The following BCLAF1 variants were observed in gnomAD, a reference collection of about 807,000 sequenced individuals.
BCLAF1 encodes the protein BCL2 associated transcription factor 1.
BCLAF1 carries 10 observed loss-of-function variants against 99.5 expected under a neutral mutation model. The observed-to-expected ratio is 0.10, with a 90% CI of 0.06 to 0.17. The LOEUF (loss-of-function observed/expected upper bound fraction) is 0.17. Ranked by LOEUF, BCLAF1 falls within the 10% of genes least tolerant of loss-of-function variation. The probability of loss-of-function intolerance (pLI) is 1.00; values close to 1 mark genes in which losing one functional copy is unlikely to be tolerated. For missense variants in BCLAF1, 636 were observed against 1,105.8 expected, an observed-to-expected ratio of 0.58 and a Z score of 6.02; for synonymous variants, 255 against 370.9, an observed-to-expected ratio of 0.69 and a Z score of 3.59.
chr6:136,285,847 C>G (rs1457317790), intron 1 of BCLAF1, among the ~76,000 whole-genome samples: 1 of 152,140 alleles, frequency 6.6e-6, no homozygotes, highest in African/African-American at 2.4e-5. Context: ...CGCCTGTAAT[C>G]CCAGCACTTT....
intron 1 of BCLAF1, among the ~76,000 whole-genome samples, chr6:136,289,410 G>A (rs772433572): frequency 6.6e-6 from 1 of 152,190 alleles, no homozygotes; most frequent in African/African-American, 2.4e-5. Flanking sequence ...ATGGGGGAAG[G>A]GTGGAAGAGG....
intron 11 of BCLAF1, among the ~76,000 whole-genome samples, chr6:136,263,591 A>C (rs1003202199): frequency 3.3e-5 from 5 of 152,214 alleles, no homozygotes; most frequent in African/African-American, 1.2e-4. Context: ...AGCTAAGAAC[A>C]TGTTAACAAA....
At chr6:136,262,105 G>C (rs906720563) in intron 11 of BCLAF1, among the ~76,000 whole-genome samples, 2 of 152,082 alleles carry the variant, frequency 1.3e-5, no homozygotes, top group African/African-American at 2.4e-5. Flanking sequence ...AAGTACTGCA[G>C]TTATCACATC....
chr6:136,264,876 G>A (rs572764954), intron 11 of BCLAF1, among the ~76,000 whole-genome samples: 15 of 152,194 alleles, frequency 9.9e-5, no homozygotes, highest in Middle Eastern at 3.4e-3. Context: ...ACCCAGAAAA[G>A]CAACATGTAA....
intron 4 of BCLAF1, among the ~76,000 whole-genome samples, chr6:136,276,788 C>G (rs1318855810): frequency 6.6e-6 from 1 of 152,188 alleles, no homozygotes; most frequent in Non-Finnish European, 1.5e-5. Context: ...CAATTCTGCA[C>G]TAACACGAAC....
chr6:136,279,738 A>T (rs750468212), intron 3 of BCLAF1, 25 bp downstream of exon 3: 2 of 1,516,938 alleles, frequency 1.3e-6, no homozygotes, highest in Non-Finnish European at 1.8e-6. Flanking sequence ...TAATTATTTT[A>T]AAAATTTAAA....
chr6:136,261,424 A>C lies in BCLAF1; in HGVS notation c.2598T>G (p.Arg866=). 6.2e-7 allele frequency: 1 copy of C among 1,613,784 alleles called. No homozygotes were observed. Among genetic ancestry groups the C allele is most frequent in the South Asian group, 1.1e-5 (1 of 91,072 alleles). Residue 866 remains arginine, a synonymous_variant, in exon 12 of 13, where the codon CGT becomes CGG. Transcript: ENST00000531224. ...GCCCTCTGCCACGTTGAAAAGTACC[A>C]CGACCTCTTCCTCTTTTGGCCCAAT... ...VDYWAKRGRG[R]GTFQRGRGRF...
At chr6:136,274,653 C>T (rs951480756) in intron 6 of BCLAF1, among the ~76,000 whole-genome samples, 3 of 151,812 alleles carry the variant, frequency 2.0e-5, no homozygotes, top group Admixed American at 1.3e-4. Flanking sequence ...TTTTTAAAAG[C>T]GGGGAGGGGA....
Position 136,268,329 on chromosome 6 carries a change from T to C in BCLAF1, c.2230A>G (p.Arg744Gly), listed in dbSNP as rs772032407. Residue 744 changes from arginine to glycine, a missense_variant, in exon 10 of 13, where the codon AGA becomes GGA. By Grantham distance (125) the Arg-to-Gly change is moderately radical. Transcript: ENST00000531224. The stretch of plus-strand genomic sequence containing the variant: ...GAAGATCGAGAATGATCTTGCTCTC[T>C]TTTATGTTTACTGCAAAATAAAGAA... ...KSYKDDSKHK[R>G]EQDHSRSSSS... 2.0e-5 allele frequency: 32 copies of C among 1,598,954 alleles called. No individual in the cohort carries two copies. Among genetic ancestry groups the C allele is most frequent in the Non-Finnish European group, 2.7e-5 (32 of 1,175,134 alleles).
intron 2 of BCLAF1, among the ~76,000 whole-genome samples, chr6:136,281,086 T>C (rs1231185186): frequency 1.3e-5 from 2 of 152,150 alleles, no homozygotes; most frequent in Middle Eastern, 3.2e-3. Flanking sequence ...ACTTGGATAG[T>C]TCCTCATCAA....
chr6:136,268,584 A>G, intron 9 of BCLAF1: 1 of 385,918 alleles, frequency 2.6e-6, no homozygotes, highest in South Asian at 3.3e-5. Flanking sequence ...TGTAAAGGTC[A>G]AGAATAAGGT....
rs770261163 is a variant in BCLAF1, at chr6:136,276,212, T to C, written c.1313A>G (p.Tyr438Cys). ...HRNTEEEGLK[Y>C]KSKVSLKGNR... ...GCCTTTCAGTGAAACTTTGGACTTG[T>C]ACTTGAGTCCTTCCTCCTCAGTATT... is the stretch of plus-strand genomic sequence containing the variant. The change falls in exon 5 of 13, where the codon TAC (tyrosine) becomes TGC (cysteine). Residue 438 changes from tyrosine (Y) to cysteine (C), a missense_variant. Coordinates refer to ENST00000531224, the MANE Select transcript of BCLAF1 (RefSeq NM_014739.3). 1.2e-6 allele frequency: 2 copies of C among 1,607,644 alleles called. No homozygotes were observed. The highest frequency in any genetic ancestry group is 1.7e-6 in the Non-Finnish European group (2 of 1,177,904).
intron 6 of BCLAF1, among the ~76,000 whole-genome samples, chr6:136,275,312 T>C (rs1262977619): frequency 6.6e-6 from 1 of 152,128 alleles, no homozygotes; most frequent in African/African-American, 2.4e-5. Flanking sequence ...TAGCATATGG[T>C]TTCTCCAGCA....
chr6:136,280,797 C>T (rs1229269685), intron 2 of BCLAF1, among the ~76,000 whole-genome samples: 1 of 151,352 alleles, frequency 6.6e-6, no homozygotes, highest in East Asian at 2.0e-4. Context: ...ACATTTTCAA[C>T]TTTTCAATGA....
At chr6:136,261,235 C>G (rs1002042606) in intron 12 of BCLAF1, 30 bp downstream of exon 12, 1 of 1,601,482 alleles carries the variant, frequency 6.2e-7, no homozygotes, top group African/African-American at 1.4e-5. Context: ...CAAAAAAAAT[C>G]TGTCAGAATC....
At chr6:136,282,171 T>G (rs1332929810) in intron 2 of BCLAF1, among the ~76,000 whole-genome samples, 4 of 152,226 alleles carry the variant, frequency 2.6e-5, no homozygotes, top group African/African-American at 9.6e-5. Context: ...AGACTTGTAG[T>G]GGACTTAATG....
chr6:136,266,034 C>T (rs1261766657), intron 11 of BCLAF1, among the ~76,000 whole-genome samples: 1 of 152,010 alleles, frequency 6.6e-6, no homozygotes, highest in East Asian at 1.9e-4. Context: ...ATGCATAACG[C>T]ACTCTGTAAC....
intron 11 of BCLAF1, among the ~76,000 whole-genome samples, chr6:136,265,717 T>C (rs1385941496): frequency 6.6e-6 from 1 of 152,156 alleles, no homozygotes; most frequent in African/African-American, 2.4e-5. Context: ...CAAGTTCCTC[T>C]ACAAAAGTCT....
rs754053288 is a variant in BCLAF1 at position 136,278,773 on chromosome 6, A to G, written c.108T>C (p.Ser36=). 8.6e-6 allele frequency: 13 copies of G among 1,515,034 alleles called. No individual in the cohort carries two copies. In the Admixed American group the frequency reaches 2.9e-4, roughly 33 times the overall value. The allele number at this position is 1,515,034 out of a possible 1,614,324, so 93.8% of individuals were successfully genotyped here. A position where few individuals can be genotyped will look rare whatever the true frequency, so the allele number is the denominator to read the frequency against. Residue 36 remains serine, a synonymous_variant, in exon 4 of 13, where the codon TCT becomes TCC. Transcript: ENST00000531224. The part of the protein sequence containing the change: ...RSHSRKKRYS[S]RSRSRTYSRS... ...TTGAATATGTTCTGGAACGAGACCT[A>G]GAACTAAAAATGAAATAAATATCAA...
Sources: allele counts gnomAD v4.1 joint callset (sites outside exome capture counted in the v4.1 genomes callset), GRCh38; gene constraint gnomAD v4.1.1; transcripts MANE v1.5; gene names NCBI Gene and HGNC (gene_info 2026-07-23, HGNC 2026-07-21).